SPON2: variants seen among roughly 807,000 people sequenced by gnomAD.
SPON2 encodes the protein spondin-2.
Under a neutral mutation model 29.9 loss-of-function variants are expected in SPON2, and 32 were observed. The observed-to-expected ratio is 1.07, with a 90% confidence interval of 0.81 to 1.44. The LOEUF is 1.44. Among genes scored for constraint, SPON2 ranks in the 40% most tolerant of loss-of-function variants. SPON2 has a pLI of 0.00. For synonymous variants in SPON2, 248 were observed against 209.1 expected (o/e 1.19, Z -1.61); for missense variants, 541 against 455.5 (o/e 1.19, Z -1.71).
rs567175484 is a variant in SPON2 at position 1,202,713 on chromosome 4, G to A, written c.-234+5167C>T. 6.6e-6 allele frequency among the ~76,000 whole-genome samples: 1 copy of A among 152,278 alleles called. No individual in the cohort carries two copies. Among genetic ancestry groups the A allele is most frequent in the South Asian group, 2.1e-4 (1 of 4,820 alleles). On this transcript the variant is annotated intron_variant, in intron 1 of 3. Coordinates refer to the SPON2 transcript ENST00000509233. This position sits in a 1 kb window ranked among gnomAD's most constrained non-coding sequence, Gnocchi z 5.4. ...CTCCGGTGGGCATAGCCTCGGTGGG[G>A]ACTCCGAGGCAGCTCCAACCCCACG...
At chr4:1,170,763 C>T (rs768147677) in intron 4 of SPON2, 187 bp from the exon 5 acceptor site, 12 of 975,864 alleles carry the variant, frequency 1.2e-5, no homozygotes, top group South Asian at 6.9e-5. Context: ...CAGGAAGGGG[C>T]AGCCTCCTCG....
intron 1 of SPON2, chr4:1,200,838 C>T (rs1291697877): frequency 4.4e-6 from 2 of 456,380 alleles, no homozygotes; most frequent in South Asian, 3.1e-5. Flanking sequence ...GAGGTGGGGC[C>T]AAGTCTGCAG....
upstream of SPON2, among the ~76,000 whole-genome samples, chr4:1,197,907 G>T (rs1410372277): frequency 6.6e-6 from 1 of 152,092 alleles, no homozygotes; most frequent in Non-Finnish European, 1.5e-5. Flanking sequence ...AATTAGCCGG[G>T]CATGGTGGTG....
At chr4:1,207,403 G>C (rs577168284) in intron 1 of SPON2, among the ~76,000 whole-genome samples, 1 of 152,322 alleles carries the variant, frequency 6.6e-6, no homozygotes, top group African/African-American at 2.4e-5. Flanking sequence ...TGGATAGTGA[G>C]TGGCGAGCCC....
At position 1,202,016 on chromosome 4, in the gene SPON2, C is replaced by T. The variant is rs1286657458; in HGVS notation, c.-234+5864G>A. ...AATTCAGTGGTTTTTAGCATGTTCA[C>T]GAAGTTGTGCAACCATCCCCACTCA... is the stretch of plus-strand genomic sequence containing the variant. On this transcript the variant is annotated intron_variant, in intron 1 of 3. Coordinates refer to the SPON2 transcript ENST00000509233. The surrounding 1 kb of genome is among the most constrained non-coding windows in gnomAD (Gnocchi z 5.4). Among the ~76,000 whole-genome samples the T allele has an allele frequency of 1.3e-5, 2 of 152,234 alleles. No homozygotes were observed. Among genetic ancestry groups the T allele is most frequent in the East Asian group, 1.9e-4 (1 of 5,202 alleles).
At chr4:1,197,349 A>C (rs375905052), upstream of SPON2, among the ~76,000 whole-genome samples, 172 of 152,362 alleles carry the variant, frequency 1.1e-3, 3 homozygotes, top group South Asian at 0.034. Context: ...AAAAAATTGT[A>C]AAATAAATAA....
At chr4:1,194,268 T>C (rs1727986884) in intron 1 of SPON2, among the ~76,000 whole-genome samples, 1 of 152,076 alleles carries the variant, frequency 6.6e-6, no homozygotes, top group Non-Finnish European at 1.5e-5. Context: ...GCCATGTCAT[T>C]GGGAGGTGGC....
At chr4:1,197,241 C>A (rs531814018), upstream of SPON2, 2 of 152,198 alleles carry the variant, frequency 1.3e-5, no homozygotes, top group Non-Finnish European at 2.9e-5. Flanking sequence ...AGCTTCCAAA[C>A]GTTCCGACTT....
upstream of SPON2, among the ~76,000 whole-genome samples, chr4:1,176,798 C>T (rs1175908036): frequency 6.6e-6 from 1 of 151,834 alleles, no homozygotes; most frequent in African/African-American, 2.4e-5. Context: ...TCATACAGTA[C>T]ATTCATGCAA....
chr4:1,204,127 C>T (rs1728281600), intron 1 of SPON2, among the ~76,000 whole-genome samples: 1 of 152,234 alleles, frequency 6.6e-6, no homozygotes, highest in South Asian at 2.1e-4. Flanking sequence ...CCAGCTTGGC[C>T]TCCCAAAGTG....
intron 1 of SPON2, among the ~76,000 whole-genome samples, chr4:1,181,574 G>C (rs1727701467): frequency 6.6e-6 from 1 of 152,226 alleles, no homozygotes; most frequent in South Asian, 2.1e-4. Context: ...TCTGTCTGAT[G>C]TAACAGTTTT....
upstream of SPON2, among the ~76,000 whole-genome samples, chr4:1,174,141 G>T (rs531887945): frequency 1.1e-3 from 162 of 151,874 alleles, 2 homozygotes; most frequent in Middle Eastern, 3.4e-3. Context: ...GAGGTGGGAG[G>T]ATCACCTGAG....
intron 1 of SPON2, among the ~76,000 whole-genome samples, chr4:1,189,656 A>T (rs906004832): frequency 6.9e-6 from 1 of 144,976 alleles, no homozygotes; most frequent in Non-Finnish European, 1.5e-5. Context: ...AAAAAAAAAA[A>T]AAGAAAGAAA....
Position 1,204,520 on chromosome 4 carries a change from C to T in SPON2, c.-234+3360G>A, listed in dbSNP as rs75040018. 3.6e-3 allele frequency among the ~76,000 whole-genome samples: 541 copies of T among 152,230 alleles called. 2 individuals carry two copies. Among genetic ancestry groups the T allele is most frequent in the East Asian group, 0.024 (122 of 5,166 alleles). ...TCACCGTTCGCATTGTTACTGTGAG[C>T]GACCCACGCACCAGCTCCACACGGG... On this transcript the variant is annotated intron_variant, in intron 1 of 3. Transcript: ENST00000509233.
intron 1 of SPON2, chr4:1,179,547 A>C (rs1727669474): frequency 6.6e-6 from 1 of 152,226 alleles, no homozygotes. Flanking sequence ...GGAAACTGGC[A>C]AAAAATGTCA....
intron 1 of SPON2, among the ~76,000 whole-genome samples, chr4:1,183,456 A>G (rs1044842219): frequency 6.6e-5 from 10 of 152,212 alleles, no homozygotes; most frequent in Non-Finnish European, 1.5e-4. Context: ...AAAAGTTAGT[A>G]TTATAGTAAC....
chr4:1,178,827 G>A (rs1372291820), intron 2 of SPON2, among the ~76,000 whole-genome samples: 2 of 152,068 alleles, frequency 1.3e-5, no homozygotes, highest in Admixed American at 1.3e-4. Flanking sequence ...AGTGTCCAAG[G>A]GTGACCTCCC....
intron 1 of SPON2, among the ~76,000 whole-genome samples, chr4:1,189,989 C>CAAAAAAAAA (rs34537590): frequency 1.1e-5 from 1 of 93,930 alleles, no homozygotes; most frequent in Non-Finnish European, 2.3e-5. Context: ...GACTCCATCT[C>CAAAAAAAAA]AAAAAAAAAA....
intron 5 of SPON2, chr4:1,169,972 C>T (rs1232619662): frequency 1.6e-5 from 3 of 183,310 alleles, no homozygotes; most frequent in Non-Finnish European, 2.2e-5. Context: ...CAGGCCAAGG[C>T]GCCTGTGAGC....
Sources: gnomAD v4.1 joint callset for allele counts (sites outside exome capture counted in the v4.1 genomes callset) on GRCh38, gnomAD v4.1.1 for gene constraint, Gnocchi (gnomAD v3.1) non-coding constraint, MANE v1.5 for transcripts, NCBI Gene and HGNC (gene_info 2026-07-23, HGNC 2026-07-21) for gene names.